RCOR1: variants seen among roughly 807,000 people sequenced by gnomAD.
RCOR1 encodes the protein REST corepressor 1, also known as REST corepressor.
Under a neutral mutation model 64.0 loss-of-function variants are expected in RCOR1, and 12 were observed. That is an observed-to-expected ratio of 0.19 (90% CI 0.12 to 0.30). The LOEUF is 0.30. RCOR1 is among the 10% of genes least tolerant of loss of function. The pLI, the probability that RCOR1 is intolerant of heterozygous loss-of-function variation, is 1.00. For synonymous variants in RCOR1, 279 were observed against 227.2 expected (o/e 1.23, Z -2.05); for missense variants, 502 against 621.2 (o/e 0.81, Z 2.04).
chr14:102,600,279 G>T (rs1031101793), intron 2 of RCOR1, among the ~76,000 whole-genome samples: 4 of 150,976 alleles, frequency 2.6e-5, no homozygotes, highest in Non-Finnish European at 4.4e-5. Flanking sequence ...AGTAGAGATG[G>T]GGTTTCACCG....
intron 8 of RCOR1, among the ~76,000 whole-genome samples, chr14:102,718,838 G>C (rs1032668736): frequency 7.9e-5 from 12 of 151,922 alleles, no homozygotes; most frequent in Non-Finnish European, 1.5e-4. Flanking sequence ...GTCCATCCTG[G>C]GACTGTAGTG....
chr14:102,716,193 T>A (rs1220521635), intron 8 of RCOR1, among the ~76,000 whole-genome samples: 1 of 152,228 alleles, frequency 6.6e-6, no homozygotes, highest in African/African-American at 2.4e-5. Flanking sequence ...TTGGATATCC[T>A]CTTTTGTGAC....
At chr14:102,621,477 A>G (rs1893873338) in intron 2 of RCOR1, among the ~76,000 whole-genome samples, 1 of 148,816 alleles carries the variant, frequency 6.7e-6, no homozygotes, top group African/African-American at 2.5e-5. Flanking sequence ...CTGGGCTCAA[A>G]TGATCCTCCC....
At chr14:102,697,867 C>T (rs1245736301) in intron 3 of RCOR1, among the ~76,000 whole-genome samples, 1 of 151,952 alleles carries the variant, frequency 6.6e-6, no homozygotes, top group African/African-American at 2.4e-5. Flanking sequence ...ATTACAGACA[C>T]GCACCACCGT....
At chr14:102,656,994 C>T (rs947313935) in intron 2 of RCOR1, 52 of 617,304 alleles carry the variant, frequency 8.4e-5, no homozygotes, top group South Asian at 2.2e-4. Flanking sequence ...AGGATGGTCG[C>T]GAACTCCTGA....
At position 102,685,936 on chromosome 14, in the gene RCOR1, G is replaced by A. The variant is rs556387562; in HGVS notation, c.445+3958G>A. Among the ~76,000 whole-genome samples the A allele has an allele frequency of 9.9e-5, 15 of 152,066 alleles. No homozygotes were observed. The South Asian group carries it at 1.5e-3, about 15-fold the overall frequency. On this transcript the variant is annotated intron_variant, in intron 3 of 11. Coordinates refer to ENST00000262241, the MANE Select transcript of RCOR1 (RefSeq NM_015156.4). The stretch of plus-strand genomic sequence containing the variant: ...GATCTCCCCTCTATTAAAAAAAAAC[G>A]GGGAGGCGGGGGCTAGAAGAGAATA...
intron 2 of RCOR1, among the ~76,000 whole-genome samples, chr14:102,653,935 C>CT (rs888927990): frequency 3.1e-5 from 1 of 32,560 alleles, no homozygotes; most frequent in South Asian, 8.4e-4. Flanking sequence ...TTCTTTCTTT[C>CT]TTTCTTTCTT....
At position 102,714,485 on chromosome 14, in the gene RCOR1, T is replaced by C. The variant is rs752948953; in HGVS notation, c.921T>C (p.Asn307=). The C allele has an allele frequency of 1.2e-6, 2 of 1,613,912 alleles. No individual in the cohort carries two copies. The highest frequency in any genetic ancestry group is 2.2e-5 in the East Asian group (1 of 44,876). ...KKEKHSTQAK[N]RAKRKPPKGM... ...AAAAACATAGCACACAAGCTAAAAA[T>C]AGAGCAAAAAGGAAACCTCCAAAAG... The change falls in exon 8 of 12, where the codon AAT becomes AAC. Residue 307 remains asparagine, a synonymous_variant. Coordinates refer to ENST00000262241, the MANE Select transcript of RCOR1 (RefSeq NM_015156.4).
intron 11 of RCOR1, among the ~76,000 whole-genome samples, chr14:102,724,612 C>T (rs576910115): frequency 6.6e-6 from 1 of 152,314 alleles, no homozygotes; most frequent in Non-Finnish European, 1.5e-5. Context: ...GGATTACAGG[C>T]ATGAGCCACC....
intron 2 of RCOR1, among the ~76,000 whole-genome samples, chr14:102,596,716 C>G (rs892250862): frequency 2.0e-5 from 3 of 151,588 alleles, no homozygotes; most frequent in South Asian, 4.2e-4. Flanking sequence ...AGGTGCCCAC[C>G]ACCACGCCCA....
At chr14:102,725,343 G>A (rs910948461) in intron 11 of RCOR1, among the ~76,000 whole-genome samples, 1 of 152,230 alleles carries the variant, frequency 6.6e-6, no homozygotes, top group African/African-American at 2.4e-5. Flanking sequence ...AGAGCAGTAA[G>A]ACGCTATGCA....
At chr14:102,603,361 G>T (rs117405385) in intron 2 of RCOR1, among the ~76,000 whole-genome samples, 2,407 of 152,254 alleles carry the variant, frequency 0.016, 21 homozygotes, top group Non-Finnish European at 0.024. Flanking sequence ...GTCTGGCTCT[G>T]TCATCCAGGC....
chr14:102,665,701 T>G (rs1404510027), intron 2 of RCOR1, among the ~76,000 whole-genome samples: 1 of 152,202 alleles, frequency 6.6e-6, no homozygotes, highest in Non-Finnish European at 1.5e-5. Flanking sequence ...GAGTCCCAGA[T>G]GGGAGTTCAG....
At chr14:102,631,447 C>T (rs1182072079) in intron 2 of RCOR1, among the ~76,000 whole-genome samples, 2 of 152,068 alleles carry the variant, frequency 1.3e-5, no homozygotes, top group East Asian at 1.9e-4. Context: ...TCATGATCCG[C>T]CTGCCTTGGC....
intron 2 of RCOR1, among the ~76,000 whole-genome samples, chr14:102,612,591 C>G (rs1893653623): frequency 6.6e-6 from 1 of 152,092 alleles, no homozygotes; most frequent in Non-Finnish European, 1.5e-5. Context: ...CTGCTTCGGC[C>G]TCCCAAAGTG....
chr14:102,593,810 G>A (rs1392829580), intron 2 of RCOR1, among the ~76,000 whole-genome samples: 1 of 152,154 alleles, frequency 6.6e-6, no homozygotes, highest in Non-Finnish European at 1.5e-5. Flanking sequence ...GCTGGCTCCT[G>A]ACTGCCCTCC....
chr14:102,649,824 G>A, intron 2 of RCOR1: 1 of 973,190 alleles, frequency 1.0e-6, no homozygotes, highest in Non-Finnish European at 1.2e-6. Context: ...TTGGCATTAG[G>A]AATGATCCTC....
At chr14:102,610,426 C>T (rs1893605385) in intron 2 of RCOR1, among the ~76,000 whole-genome samples, 1 of 151,966 alleles carries the variant, frequency 6.6e-6, no homozygotes, top group Non-Finnish European at 1.5e-5. Context: ...AGATATTCAG[C>T]CATCATATAT....
chr14:102,655,110 CT>C (rs67404203), intron 2 of RCOR1: 40,742 of 103,798 alleles, frequency 0.39, 7,579 homozygotes, highest in East Asian at 0.83. Flanking sequence ...CGCGGACAAC[CT>C]TTTTTTTTTT....
Sources: gnomAD v4.1 joint callset for allele counts (sites outside exome capture counted in the v4.1 genomes callset) on GRCh38, gnomAD v4.1.1 for gene constraint, MANE v1.5 for transcripts, NCBI Gene and HGNC (gene_info 2026-07-23, HGNC 2026-07-21) for gene names.